Variants in PRKAR2A observed in about 807,000 individuals in gnomAD.
PRKAR2A encodes protein kinase cAMP-dependent type II regulatory subunit alpha, also known as cAMP-dependent protein kinase type II-alpha regulatory subunit.
A neutral mutation model predicts 51.9 loss-of-function variants in PRKAR2A; 29 were observed. The observed-to-expected ratio is 0.56, with a 90% CI of 0.42 to 0.76. The LOEUF (loss-of-function observed/expected upper bound fraction) is 0.76. Among genes scored for constraint, PRKAR2A ranks in the 30% least tolerant of loss-of-function variants. PRKAR2A has a pLI of 0.00. For missense variants in PRKAR2A, 445 were observed against 512.1 expected, an observed-to-expected ratio of 0.87 and a Z score of 1.26; for synonymous variants, 178 against 186.2, an observed-to-expected ratio of 0.96 and a Z score of 0.36.
At position 48,790,597 on chromosome 3, in the gene PRKAR2A, A is replaced by G; in HGVS notation, c.382T>C (p.Cys128Arg). Reference protein sequence around the residue: ...VIHPKTDEQRCRLQEACKDIL... With the variant: ...VIHPKTDEQRRRLQEACKDIL... ...TCTTTGCAAGCTTCCTGAAGTCTGCATCTCTGTTCATCAGTTTTAGGATGA... is the reference window on the plus strand; with the variant it reads ...TCTTTGCAAGCTTCCTGAAGTCTGCGTCTCTGTTCATCAGTTTTAGGATGA... The change falls in exon 4 of 11, where the codon TGC becomes CGC. Residue 128 changes from cysteine to arginine, a missense_variant. Coordinates refer to ENST00000265563, the MANE Select transcript of PRKAR2A (RefSeq NM_004157.4). The G allele has an allele frequency of 6.5e-7, 1 of 1,527,226 alleles. No individual in the cohort carries two copies. 94.6% of individuals were successfully genotyped at this position (1,527,226 alleles called of 1,614,324 possible).
chr3:48,818,075 C>G (rs1464862254), intron 1 of PRKAR2A, among the ~76,000 whole-genome samples: 1 of 152,152 alleles, frequency 6.6e-6, no homozygotes, highest in Non-Finnish European at 1.5e-5. Flanking sequence ...TTAACACTCT[C>G]TACAGCCAAA....
intron 6 of PRKAR2A, among the ~76,000 whole-genome samples, chr3:48,766,824 T>C (rs1481771422): frequency 6.6e-6 from 1 of 152,180 alleles, no homozygotes; most frequent in African/African-American, 2.4e-5. Context: ...AAAGATACCT[T>C]GACTCTAGCA....
intron 2 of PRKAR2A, among the ~76,000 whole-genome samples, chr3:48,803,556 C>T (rs539016901): frequency 6.6e-6 from 1 of 152,298 alleles, no homozygotes; most frequent in East Asian, 1.9e-4. Flanking sequence ...TCCTGAGTAG[C>T]TGGGATTACA....
At chr3:48,837,878 C>A (rs1010008107) in intron 1 of PRKAR2A, among the ~76,000 whole-genome samples, 1 of 151,768 alleles carries the variant, frequency 6.6e-6, no homozygotes, top group Non-Finnish European at 1.5e-5. Context: ...TAAGTGCCAG[C>A]GGCAAAAGAC....
intron 1 of PRKAR2A, among the ~76,000 whole-genome samples, chr3:48,820,600 C>T (rs2082945327): frequency 6.6e-6 from 1 of 152,142 alleles, no homozygotes; most frequent in Non-Finnish European, 1.5e-5. Context: ...ATCCAGTCAC[C>T]TCACTTACTA....
Position 48,847,268 on chromosome 3 carries a change from C to T in PRKAR2A, c.262+67G>A. On this transcript the variant is annotated intron_variant, in intron 1 of 10. Coordinates refer to ENST00000265563, the MANE Select transcript of PRKAR2A (RefSeq NM_004157.4). The surrounding 1 kb of genome is among the most constrained non-coding windows in gnomAD (Gnocchi z 4.4). Reference sequence around the variant, plus strand: ...CTTGGCTGCGGCGCGACACCTGGCTCCCTGCCACCCCTCTAGACCTCTGGA... The same window carrying T: ...CTTGGCTGCGGCGCGACACCTGGCTTCCTGCCACCCCTCTAGACCTCTGGA... 1 of 1,544,002 alleles carries T rather than the reference C, an allele frequency of 6.5e-7. No individual in the cohort carries two copies. Among genetic ancestry groups the T allele is most frequent in the Non-Finnish European group, 8.8e-7 (1 of 1,141,146 alleles).
chr3:48,808,769 G>A (rs2082722959), intron 1 of PRKAR2A, among the ~76,000 whole-genome samples: 2 of 122,102 alleles, frequency 1.6e-5, no homozygotes, highest in African/African-American at 3.3e-5. Flanking sequence ...CACCCACCTT[G>A]GCCTCCCAAA....
At chr3:48,845,933 G>A (rs989858191) in intron 1 of PRKAR2A, among the ~76,000 whole-genome samples, 6 of 151,254 alleles carry the variant, frequency 4.0e-5, no homozygotes, top group Non-Finnish European at 5.9e-5. Flanking sequence ...GTGACAGAGC[G>A]AGATCCTGAC....
At position 48,750,331 on chromosome 3, in the gene PRKAR2A, C is replaced by A; in HGVS notation, c.*1254G>T. The stretch of plus-strand genomic sequence containing the variant: ...TGAGCCAAGACCGCACCATTGCACT[C>A]CAGCCTGGGCAACAAGAGCGAAACT... On this transcript the variant is annotated 3_prime_UTR_variant, in exon 11 of 11. Transcript: ENST00000265563. 1 of 152,506 alleles carries A rather than the reference C, an allele frequency of 6.6e-6. No homozygotes were observed. Among genetic ancestry groups the A allele is most frequent in the Non-Finnish European group, 1.5e-5 (1 of 68,262 alleles). 9.4% of individuals were successfully genotyped at this position (152,506 alleles called of 1,614,324 possible). A position where few individuals can be genotyped will look rare whatever the true frequency, so the allele number is the denominator to read the frequency against.
intron 1 of PRKAR2A, among the ~76,000 whole-genome samples, chr3:48,816,645 G>A (rs1295898250): frequency 1.3e-5 from 2 of 151,872 alleles, no homozygotes; most frequent in Non-Finnish European, 2.9e-5. Flanking sequence ...TCAAAAAAAA[G>A]AAAAAATTTA....
At chr3:48,801,653 A>C (rs1049701493) in intron 2 of PRKAR2A, among the ~76,000 whole-genome samples, 2 of 152,098 alleles carry the variant, frequency 1.3e-5, no homozygotes, top group Admixed American at 1.3e-4. Context: ...GCTGGAATGC[A>C]GTGGTGCGAT....
intron 5 of PRKAR2A, among the ~76,000 whole-genome samples, chr3:48,781,417 C>T (rs2082195280): frequency 6.6e-6 from 1 of 151,916 alleles, no homozygotes; most frequent in Non-Finnish European, 1.5e-5. Flanking sequence ...TCTTGGCTCA[C>T]TGTAACCTCC....
At chr3:48,823,967 C>CGGG (rs1293554679) in intron 1 of PRKAR2A, among the ~76,000 whole-genome samples, 3 of 152,148 alleles carry the variant, frequency 2.0e-5, no homozygotes. Flanking sequence ...TGGCTCACGC[C>CGGG]TGTAATCCCA....
chr3:48,769,480 C>CT lies in PRKAR2A; in HGVS notation c.696+3474dup, dbSNP rs540463001. On this transcript the variant is annotated intron_variant, in intron 6 of 10. Transcript: ENST00000265563. ...CCACAACAAATATCTCTTACAGCGA[C>CT]TTTTTTTTTTTTTGAGATGGAGTTT... Among the ~76,000 whole-genome samples, 700 of 142,436 alleles carry CT rather than the reference C, an allele frequency of 4.9e-3. 3 individuals carry two copies. Among genetic ancestry groups the CT allele is most frequent in the Middle Eastern group, 0.011 (3 of 272 alleles). 93.4% of individuals were successfully genotyped at this position (142,436 alleles called of 152,430 possible). A position where few individuals can be genotyped will look rare whatever the true frequency, so the allele number is the denominator to read the frequency against.
At chr3:48,801,846 C>T (rs1459697323) in intron 2 of PRKAR2A, among the ~76,000 whole-genome samples, 2 of 152,208 alleles carry the variant, frequency 1.3e-5, no homozygotes, top group Non-Finnish European at 2.9e-5. Context: ...AAGCGATTCT[C>T]CTGCCTCAGC....
Position 48,782,962 on chromosome 3 carries a change from C to T in PRKAR2A, c.542+24G>A, listed in dbSNP as rs780045555. ...ATGAATCCGATTAAGTGTGGCCACA[C>T]AATTTCAAAGCTCCATCTCCTACCG... On this transcript the variant is annotated intron_variant, in intron 5 of 10. Coordinates refer to ENST00000265563, the MANE Select transcript of PRKAR2A (RefSeq NM_004157.4). 3 of 1,488,922 alleles carry T rather than the reference C, an allele frequency of 2.0e-6. No individual in the cohort carries two copies. The African/African-American group carries it at 4.1e-5, about 21-fold the overall frequency. The allele number at this position is 1,488,922 out of a possible 1,614,324, so 92.2% of individuals were successfully genotyped here.
intron 3 of PRKAR2A, among the ~76,000 whole-genome samples, chr3:48,791,903 CAAAAAAAAAAAAAAAA>C (rs1177374619): frequency 4.8e-5 from 2 of 41,892 alleles, no homozygotes; most frequent in Admixed American, 4.0e-4. Context: ...AACTCTGTCT[CAAAAAAAAAAAAAAAA>C]AAAAAAAAAA....
At chr3:48,844,913 T>C (rs1313668200) in intron 1 of PRKAR2A, among the ~76,000 whole-genome samples, 38 of 147,512 alleles carry the variant, frequency 2.6e-4, no homozygotes, top group East Asian at 4.2e-4. Context: ...CACACCAGCA[T>C]GGCACATGTA....
chr3:48,826,631 G>A (rs962874586), intron 1 of PRKAR2A, among the ~76,000 whole-genome samples: 1 of 152,068 alleles, frequency 6.6e-6, no homozygotes, highest in Non-Finnish European at 1.5e-5. Flanking sequence ...TCAAGCATCA[G>A]CCCTCCTATC....
Sources: allele counts gnomAD v4.1 joint callset (sites outside exome capture counted in the v4.1 genomes callset), GRCh38; gene constraint gnomAD v4.1.1; non-coding constraint Gnocchi (gnomAD v3.1); transcripts MANE v1.5; gene names NCBI Gene and HGNC (gene_info 2026-07-23, HGNC 2026-07-21).